HMX1: variants seen among roughly 807,000 people sequenced by gnomAD.
The protein encoded by HMX1 is H6 family homeobox 1.
Under a neutral mutation model 8.9 loss-of-function variants are expected in HMX1, and 8 were observed. That is an observed-to-expected ratio of 0.90 (90% CI 0.53 to 1.63). HMX1 has a LOEUF of 1.63. Among genes scored for constraint, HMX1 ranks in the 40% most tolerant of loss-of-function variants. The pLI is 0.00. For synonymous variants in HMX1, 311 were observed against 283.4 expected (o/e 1.10, Z -0.98); for missense variants, 621 against 558.5 (o/e 1.11, Z -1.13).
At chr4:8,860,044 G>A (rs1721744460) in intron 1 of HMX1, among the ~76,000 whole-genome samples, 1 of 152,212 alleles carries the variant, frequency 6.6e-6, no homozygotes, top group Non-Finnish European at 1.5e-5. Context: ...CAACGGCGGT[G>A]CTGACAGCGC....
In HMX1 at chr4:8,868,178, C is replaced by T. The variant is rs1421488990; in HGVS notation, c.562G>A (p.Ala188Thr). Reference protein sequence around the residue: ...EASELAEVPAAAGETRGGVGV... With the variant: ...EASELAEVPATAGETRGGVGV... ...ACGCCGCCGCGTGTCTCCCCAGCCG[C>T]CGCAGGGACCTCGGCCAGCTCCGAC... is the stretch of plus-strand genomic sequence containing the variant. The change falls in exon 2 of 2, where the codon GCG becomes ACG. Residue 188 changes from alanine (A) to threonine (T), a missense_variant. By Grantham distance (58) the Ala-to-Thr change is moderately conservative. Transcript: ENST00000400677. This position sits in a 1 kb window ranked among gnomAD's most constrained non-coding sequence, Gnocchi z 4.6. The T allele has an allele frequency of 2.0e-6, 3 of 1,497,060 alleles. No homozygotes were observed. Among genetic ancestry groups the T allele is most frequent in the South Asian group, 1.3e-5 (1 of 79,748 alleles). 92.7% of individuals were successfully genotyped at this position (1,497,060 alleles called of 1,614,324 possible).
chr4:8,871,655 C>G lies in HMX1; in HGVS notation c.-41G>C, dbSNP rs1307317158. On this transcript the variant is annotated 5_prime_UTR_variant, in exon 1 of 2. Transcript: ENST00000400677. This position sits in a 1 kb window ranked among gnomAD's most constrained non-coding sequence, Gnocchi z 4.8. The stretch of plus-strand genomic sequence containing the variant: ...CTCGGGCTCGGCCGGGCTCCTCGGT[C>G]CCCGCTGGGGATGGTGGCGCGCGGC... 1 of 1,206,092 alleles carries G rather than the reference C, an allele frequency of 8.3e-7. No homozygotes were observed. The highest frequency in any genetic ancestry group is 1.0e-6 in the Non-Finnish European group (1 of 972,532). The allele number at this position is 1,206,092 out of a possible 1,614,324, so 74.7% of individuals were successfully genotyped here. A position where few individuals can be genotyped will look rare whatever the true frequency, so the allele number is the denominator to read the frequency against.
chr4:8,858,431 G>A lies in HMX1; in HGVS notation c.395-12107C>T, dbSNP rs577662253. On this transcript the variant is annotated intron_variant, in intron 1 of 1. Coordinates refer to the HMX1 transcript ENST00000506970. ...CAGAAGAAAACAGGCCGGCGCGGCTGGGGATGCGCTTCTGGGCCAGGCGCG... is the reference window on the plus strand; with the variant it reads ...CAGAAGAAAACAGGCCGGCGCGGCTAGGGATGCGCTTCTGGGCCAGGCGCG... Among the ~76,000 whole-genome samples, 6 of 152,328 alleles carry A rather than the reference G, an allele frequency of 3.9e-5. No individual in the cohort carries two copies. The East Asian group carries it at 1.2e-3, about 30-fold the overall frequency.
At chr4:8,857,294 G>A (rs1033534201) in intron 1 of HMX1, among the ~76,000 whole-genome samples, 1 of 152,154 alleles carries the variant, frequency 6.6e-6, no homozygotes, top group African/African-American at 2.4e-5. Flanking sequence ...CGCCAACCTC[G>A]CCCAGCCGGA....
downstream of HMX1, among the ~76,000 whole-genome samples, chr4:8,866,003 G>A (rs950154938): frequency 6.6e-6 from 1 of 152,214 alleles, no homozygotes; most frequent in African/African-American, 2.4e-5. Context: ...CTCTCAAAAT[G>A]CCCACGCTGT....
At chr4:8,861,986 C>A (rs543230408) in intron 1 of HMX1, among the ~76,000 whole-genome samples, 1 of 152,158 alleles carries the variant, frequency 6.6e-6, no homozygotes, top group South Asian at 2.1e-4. Flanking sequence ...CGGGAGGCGG[C>A]GCCAAGGACC....
rs549705510 is a variant in HMX1 at position 8,853,425 on chromosome 4, C to T, written c.395-7101G>A. On this transcript the variant is annotated intron_variant, in intron 1 of 1. Transcript: ENST00000506970. This position sits in a 1 kb window ranked among gnomAD's most constrained non-coding sequence, Gnocchi z 4.7. ...GTCAAAGATCTATCCAGATGTTGCC[C>T]GCTGCACATCTCATGCTCACTGGTC... is the stretch of plus-strand genomic sequence containing the variant. Among the ~76,000 whole-genome samples the T allele has an allele frequency of 4.6e-5, 7 of 152,184 alleles. No individual in the cohort carries two copies. Among genetic ancestry groups the T allele is most frequent in the Non-Finnish European group, 8.8e-5 (6 of 68,042 alleles).
At chr4:8,865,491 G>A (rs899870763), downstream of HMX1, among the ~76,000 whole-genome samples, 2 of 152,200 alleles carry the variant, frequency 1.3e-5, no homozygotes, top group East Asian at 2.0e-4. Context: ...TGTGGGACTC[G>A]GAGGCTCCGC....
Position 8,859,750 on chromosome 4 carries a change from TC to T in HMX1, c.394+11470del, listed in dbSNP as rs999985941. Among the ~76,000 whole-genome samples, 6 of 151,978 alleles carry T rather than the reference TC, an allele frequency of 3.9e-5. No individual in the cohort carries two copies. The East Asian group carries it at 9.7e-4, about 25-fold the overall frequency. ...TCGCACTGGGACCCGAATGAGGACA[TC>T]CCCCCGCCCCTTCGTCATCGTGGGA... is the stretch of plus-strand genomic sequence containing the variant. On this transcript the variant is annotated intron_variant, in intron 1 of 1. Transcript: ENST00000506970.
intron 1 of HMX1, among the ~76,000 whole-genome samples, chr4:8,855,083 C>T (rs999994068): frequency 6.6e-6 from 1 of 152,258 alleles, no homozygotes; most frequent in African/African-American, 2.4e-5. Context: ...GTGACGCCCA[C>T]GCTCCACCAT....
downstream of HMX1, among the ~76,000 whole-genome samples, chr4:8,864,762 C>G (rs1721942580): frequency 1.3e-5 from 2 of 152,238 alleles, no homozygotes; most frequent in Non-Finnish European, 2.9e-5. Context: ...TCTGTTTTCT[C>G]TCTTAACAGT....
chr4:8,859,121 T>C (rs1044269032), intron 1 of HMX1: 1 of 152,156 alleles, frequency 6.6e-6, no homozygotes, highest in Non-Finnish European at 1.5e-5. Flanking sequence ...ACAGGTGAGA[T>C]AGAGTTGGCC....
At position 8,859,399 on chromosome 4, in the gene HMX1, A is replaced by C. The variant is rs971113871; in HGVS notation, c.394+11822T>G. Among the ~76,000 whole-genome samples, 3 of 152,086 alleles carry C rather than the reference A, an allele frequency of 2.0e-5. No individual in the cohort carries two copies. The East Asian group carries it at 5.8e-4, about 29-fold the overall frequency. On this transcript the variant is annotated intron_variant, in intron 1 of 1. Transcript: ENST00000506970. Reference sequence around the variant, plus strand: ...GAGCTGGCTTAGAGCTTCCACCCCAATCCCAGAAAAGGCCCGCGGGACTTA... The same window carrying C: ...GAGCTGGCTTAGAGCTTCCACCCCACTCCCAGAAAAGGCCCGCGGGACTTA...
At chr4:8,851,984 T>C (rs1560167209) in intron 1 of HMX1, among the ~76,000 whole-genome samples, 1 of 152,090 alleles carries the variant, frequency 6.6e-6, no homozygotes, top group Non-Finnish European at 1.5e-5. Context: ...CAGAAAACCA[T>C]AAAGGGCTCA....
chr4:8,856,857 G>A (rs957836415), intron 1 of HMX1, among the ~76,000 whole-genome samples: 4 of 152,224 alleles, frequency 2.6e-5, no homozygotes, highest in South Asian at 2.1e-4. Context: ...GGGAGGCCGA[G>A]GCAGACGGAC....
At chr4:8,861,651 A>T (rs997168880) in intron 1 of HMX1, among the ~76,000 whole-genome samples, 2 of 152,086 alleles carry the variant, frequency 1.3e-5, no homozygotes, top group South Asian at 4.1e-4. Flanking sequence ...AGTGTCCGCC[A>T]GGCGCCTTCC....
In HMX1 at chr4:8,847,312, C is replaced by T. The variant is rs1721305641; in HGVS notation, c.395-988G>A. ...TAATTTAATTTAATTTAAAAAGCCA[C>T]TAAGTGATCTGATGTCTCCTGAGAA... On this transcript the variant is annotated intron_variant, in intron 1 of 1. Coordinates refer to the HMX1 transcript ENST00000506970. The surrounding 1 kb of genome is among the most constrained non-coding windows in gnomAD (Gnocchi z 6.0). 6.6e-6 allele frequency among the ~76,000 whole-genome samples: 1 copy of T among 152,070 alleles called. No individual in the cohort carries two copies. The highest frequency in any genetic ancestry group is 2.4e-5 in the African/African-American group (1 of 41,394).
Position 8,847,706 on chromosome 4 carries a change from C to A in HMX1, c.395-1382G>T, listed in dbSNP as rs966941730. ...TTTGAACCTGGAGCTGTGGTCTTTC[C>A]AGTATATGAGGCCTGCCTTGACTAT... On this transcript the variant is annotated intron_variant, in intron 1 of 1. Transcript: ENST00000506970. This position sits in a 1 kb window ranked among gnomAD's most constrained non-coding sequence, Gnocchi z 6.0. Among the ~76,000 whole-genome samples the A allele has an allele frequency of 8.5e-5, 13 of 152,316 alleles. No homozygotes were observed. The East Asian group carries it at 2.5e-3, about 29-fold the overall frequency.
intron 1 of HMX1, among the ~76,000 whole-genome samples, chr4:8,857,246 C>G (rs1232007200): frequency 6.6e-6 from 1 of 152,178 alleles, no homozygotes; most frequent in Non-Finnish European, 1.5e-5. Context: ...TGGGGTTGGA[C>G]GCCGTCCCCA....
Sources: gnomAD v4.1 joint callset for allele counts (sites outside exome capture counted in the v4.1 genomes callset) on GRCh38, gnomAD v4.1.1 for gene constraint, Gnocchi (gnomAD v3.1) non-coding constraint, MANE v1.5 for transcripts, NCBI Gene and HGNC (gene_info 2026-07-23, HGNC 2026-07-21) for gene names.